The following SLC15A1 variants were observed in gnomAD, a reference collection of about 807,000 sequenced individuals.
SLC15A1 encodes Caco-2 oligopeptide transporter.
In SLC15A1, 83 loss-of-function variants were observed where a neutral mutation model predicts 92.9. The observed-to-expected ratio is 0.89, with a 90% CI of 0.75 to 1.07. SLC15A1 has a LOEUF of 1.07. Among genes scored for constraint, SLC15A1 ranks in the 50% least tolerant of loss-of-function variants. The pLI, the probability that SLC15A1 is intolerant of heterozygous loss-of-function variation, is 0.00. For missense variants in SLC15A1, 857 were observed against 880.1 expected (o/e 0.97, Z 0.33); for synonymous variants, 322 against 318.2 (o/e 1.01, Z -0.13).
intron 7 of SLC15A1, 186 bp downstream of exon 7, chr13:98,721,309 A>G (rs2088255600): frequency 1.4e-6 from 1 of 704,336 alleles, no homozygotes; most frequent in Non-Finnish European, 2.7e-6. Flanking sequence ...AGGGATTTAA[A>G]TAAGACAAAA....
At chr13:98,737,641 T>C (rs1243428198) in intron 1 of SLC15A1, among the ~76,000 whole-genome samples, 2 of 152,202 alleles carry the variant, frequency 1.3e-5, no homozygotes, top group African/African-American at 4.8e-5. Flanking sequence ...CCATGCTTCC[T>C]GTACAGCCTG....
At chr13:98,739,202 G>A (rs2088420160) in intron 1 of SLC15A1, among the ~76,000 whole-genome samples, 1 of 152,178 alleles carries the variant, frequency 6.6e-6, no homozygotes, top group South Asian at 2.1e-4. Context: ...TTTTGATTGT[G>A]CAGGCTCATA....
chr13:98,690,989 T>C (rs1270085934), intron 18 of SLC15A1, among the ~76,000 whole-genome samples: 1 of 152,200 alleles, frequency 6.6e-6, no homozygotes, highest in Non-Finnish European at 1.5e-5. Context: ...TTCATCCCTC[T>C]TAGCATATTG....
intron 1 of SLC15A1, among the ~76,000 whole-genome samples, chr13:98,736,334 A>G (rs565804331): frequency 3.3e-5 from 5 of 152,352 alleles, no homozygotes; most frequent in Non-Finnish European, 7.3e-5. Flanking sequence ...TTATACAAAA[A>G]TTAATTCAAG....
chr13:98,702,563 C>A, intron 17 of SLC15A1, 34 bp from the exon 18 acceptor site: 1 of 1,499,696 alleles, frequency 6.7e-7, no homozygotes, highest in South Asian at 1.1e-5. Flanking sequence ...AAAATATTTT[C>A]AAAATAATAT....
chr13:98,706,437 G>A (rs1042814720), intron 15 of SLC15A1, among the ~76,000 whole-genome samples, 184 bp from the exon 16 acceptor site: 3 of 152,170 alleles, frequency 2.0e-5, no homozygotes, highest in Non-Finnish European at 2.9e-5. Flanking sequence ...ACTTTTGCAC[G>A]GAATACTGAA....
At chr13:98,746,384 C>A (rs1594013250) in intron 1 of SLC15A1, among the ~76,000 whole-genome samples, 1 of 152,056 alleles carries the variant, frequency 6.6e-6, no homozygotes, top group East Asian at 1.9e-4. Context: ...TGGGTATATA[C>A]CCCGTAATGG....
intron 2 of SLC15A1, 28 bp downstream of exon 2, chr13:98,726,815 T>C (rs1393825139): frequency 6.2e-7 from 1 of 1,606,128 alleles, no homozygotes; most frequent in East Asian, 2.2e-5. Flanking sequence ...AAGATGAAGA[T>C]ATGTAGAGAA....
chr13:98,710,046 G>T, intron 11 of SLC15A1, 135 bp from the exon 12 acceptor site: 1 of 805,410 alleles, frequency 1.2e-6, no homozygotes, highest in Non-Finnish European at 2.1e-6. Context: ...TAAACATCAA[G>T]TTAATCTCCC....
At chr13:98,736,916 A>G (rs2088399545) in intron 1 of SLC15A1, among the ~76,000 whole-genome samples, 1 of 152,366 alleles carries the variant, frequency 6.6e-6, no homozygotes, top group African/African-American at 2.4e-5. Flanking sequence ...TAGTTCAACC[A>G]TTGTGGAAGA....
chr13:98,736,087 A>C (rs1180288926), intron 1 of SLC15A1, among the ~76,000 whole-genome samples: 1 of 152,218 alleles, frequency 6.6e-6, no homozygotes, highest in Non-Finnish European at 1.5e-5. Flanking sequence ...CCTGACTTCA[A>C]ACTATACTAG....
At chr13:98,687,973 C>A (rs1263267963) in intron 20 of SLC15A1, among the ~76,000 whole-genome samples, 2 of 152,174 alleles carry the variant, frequency 1.3e-5, no homozygotes, top group East Asian at 3.8e-4. Context: ...TCTCTTTGAA[C>A]TATGAGTTCT....
intron 8 of SLC15A1, among the ~76,000 whole-genome samples, chr13:98,718,814 T>C (rs528748458): frequency 6.6e-6 from 1 of 152,108 alleles, no homozygotes; most frequent in East Asian, 1.9e-4. Flanking sequence ...TGTCTTTTTG[T>C]TTGTTTGTTT....
intron 1 of SLC15A1, among the ~76,000 whole-genome samples, chr13:98,739,974 A>C (rs9517428): frequency 4.6e-5 from 7 of 152,214 alleles, no homozygotes; most frequent in Admixed American, 3.3e-4. Flanking sequence ...GGTAGCCATC[A>C]AAGAAGAAAG....
At chr13:98,715,110 A>G (rs1454174704) in intron 9 of SLC15A1, among the ~76,000 whole-genome samples, 1 of 152,196 alleles carries the variant, frequency 6.6e-6, no homozygotes, top group African/African-American at 2.4e-5. Flanking sequence ...CATTTTTGCT[A>G]TTATAAGTAT....
Position 98,704,398 on chromosome 13 carries a change from G to C in SLC15A1, c.1307C>G (p.Thr436Arg). 1 of 1,613,862 alleles carries C rather than the reference G, an allele frequency of 6.2e-7. No homozygotes were observed. Residue 436 changes from threonine to arginine, a missense_variant, in exon 17 of 23, where the codon ACA (threonine) becomes AGA (arginine). Thr to Arg is a moderately conservative substitution (Grantham distance 71). Transcript: ENST00000376503. The part of the protein sequence containing the change: ...AFMTFDVNKL[T>R]RINISSPGSP... ...TCCAGGAGAAGAAATGTTTATCCTT[G>C]TCAGTTTGTTTACATCAAAAGTCAT...
chr13:98,702,430 T>C (rs2088075366), intron 18 of SLC15A1, 50 bp downstream of exon 18: 2 of 1,256,202 alleles, frequency 1.6e-6, no homozygotes, highest in South Asian at 2.4e-5. Flanking sequence ...GGGTATGCAT[T>C]ACTTTCATAA....
At chr13:98,685,006 A>G (rs1184225555) in intron 22 of SLC15A1, 91 bp from the exon 23 acceptor site, 4 of 1,127,616 alleles carry the variant, frequency 3.5e-6, no homozygotes, top group Non-Finnish European at 5.0e-6. Flanking sequence ...TTCTTGCTAC[A>G]TGCAGATGGA....
intron 1 of SLC15A1, among the ~76,000 whole-genome samples, chr13:98,728,977 T>TAAAAAAAAAAAA (rs71218592): frequency 0.013 from 176 of 13,828 alleles, 1 homozygote; most frequent in Non-Finnish European, 0.015. Context: ...TAAGGCTCTG[T>TAAAAAAAAAAAA]AAAAAAAAAA....
Sources: gnomAD v4.1 joint callset for allele counts (sites outside exome capture counted in the v4.1 genomes callset) on GRCh38, gnomAD v4.1.1 for gene constraint, MANE v1.5 for transcripts, NCBI Gene and HGNC (gene_info 2026-07-23, HGNC 2026-07-21) for gene names.